UBE2W: variants seen among roughly 807,000 people sequenced by gnomAD.
UBE2W encodes ubiquitin-conjugating enzyme E2 W.
In UBE2W, 18 loss-of-function variants were observed where a neutral mutation model predicts 27.2. That is an observed-to-expected ratio of 0.66 (90% CI 0.46 to 0.98). The LOEUF (loss-of-function observed/expected upper bound fraction) is 0.98. UBE2W is among the 50% of genes least tolerant of loss of function. The pLI, the probability that UBE2W is intolerant of heterozygous loss-of-function variation, is 0.00. For missense variants in UBE2W, 90 were observed against 180.2 expected, an observed-to-expected ratio of 0.50 and a Z score of 2.87; for synonymous variants, 53 against 57.2, an observed-to-expected ratio of 0.93 and a Z score of 0.33.
At position 73,787,461 on chromosome 8, in the gene UBE2W, G is replaced by A; in HGVS notation, c.*6641C>T. 2.0e-6 allele frequency: 2 copies of A among 985,354 alleles called. No individual in the cohort carries two copies. Among genetic ancestry groups the A allele is most frequent in the Non-Finnish European group, 2.4e-6 (2 of 829,890 alleles). The allele number at this position is 985,354 out of a possible 1,614,324, so 61.0% of individuals were successfully genotyped here. On this transcript the variant is annotated 3_prime_UTR_variant, in exon 6 of 6. Transcript: ENST00000602593. ...GGGCATCATCAAAGTACAAAAGATG[G>A]TTCATATATTTATCTAACCATCTAC...
intron 1 of UBE2W, among the ~76,000 whole-genome samples, chr8:73,836,348 G>A (rs1394488556): frequency 6.6e-6 from 1 of 152,112 alleles, no homozygotes; most frequent in Non-Finnish European, 1.5e-5. Context: ...GCATTTGGGG[G>A]GTTAAATGAG....
intron 1 of UBE2W, among the ~76,000 whole-genome samples, chr8:73,866,290 A>AATATATATATATATATATAT (rs71269958): frequency 3.7e-4 from 16 of 43,084 alleles, no homozygotes; most frequent in African/African-American, 5.9e-4. Flanking sequence ...AAAAAAAAAA[A>AATATATATATATATATATAT]ATATATATAT....
intron 5 of UBE2W, among the ~76,000 whole-genome samples, chr8:73,794,635 C>T (rs1808336586): frequency 1.3e-5 from 2 of 152,072 alleles, no homozygotes; most frequent in Non-Finnish European, 2.9e-5. Flanking sequence ...GACACGGTGG[C>T]TCACACCTGT....
At chr8:73,869,696 A>G (rs988442262) in intron 1 of UBE2W, among the ~76,000 whole-genome samples, 11 of 148,968 alleles carry the variant, frequency 7.4e-5, no homozygotes, top group African/African-American at 9.9e-5. Flanking sequence ...TGTCTCAGGG[A>G]AAAAAAAAAC....
chr8:73,864,763 CG>C (rs1188479053), intron 1 of UBE2W, among the ~76,000 whole-genome samples: 6 of 26,316 alleles, frequency 2.3e-4, no homozygotes, highest in South Asian at 9.3e-4. Flanking sequence ...GGGGGGGGGG[CG>C]GGGGGGGCTG....
chr8:73,851,394 C>T (rs1258180216), intron 1 of UBE2W, among the ~76,000 whole-genome samples: 5 of 151,814 alleles, frequency 3.3e-5, no homozygotes, highest in Non-Finnish European at 5.9e-5. Context: ...CAGCTAGATG[C>T]GGAGTACAGA....
chr8:73,846,841 T>C (rs1810825132), intron 1 of UBE2W, among the ~76,000 whole-genome samples: 1 of 152,186 alleles, frequency 6.6e-6, no homozygotes, highest in African/African-American at 2.4e-5. Flanking sequence ...ATAAGTATGT[T>C]AAATTAGCTA....
chr8:73,805,134 G>A (rs80295587), intron 5 of UBE2W, among the ~76,000 whole-genome samples: 4,735 of 151,824 alleles, frequency 0.031, 230 homozygotes, highest in African/African-American at 0.1. Context: ...TTTTATGATG[G>A]CTATGATTTT....
rs145286646 is a variant in UBE2W at position 73,856,605 on chromosome 8, C to A, written c.15+22203G>T. Among the ~76,000 whole-genome samples the A allele has an allele frequency of 6.5e-3, 991 of 152,052 alleles. 7 individuals are homozygous for A. The highest frequency in any genetic ancestry group is 0.011 in the Non-Finnish European group (741 of 67,976). On this transcript the variant is annotated intron_variant, in intron 1 of 5. Transcript: ENST00000602593. ...CCTGACCTCAAGTGATCTGCCCGCC[C>A]TGGCCTCCCAAAATGCTGAGATTAC...
chr8:73,782,972 ATTG>A (rs2130825673), downstream of UBE2W, among the ~76,000 whole-genome samples: 1 of 152,216 alleles, frequency 6.6e-6, no homozygotes, highest in African/African-American at 2.4e-5. Flanking sequence ...GTATCTCATC[ATTG>A]TTTTTATCAT....
At position 73,793,437 on chromosome 8, in the gene UBE2W, C is replaced by G. The variant is rs1808284586; in HGVS notation, c.*665G>C. On this transcript the variant is annotated 3_prime_UTR_variant, in exon 6 of 6. Transcript: ENST00000602593. Reference sequence around the variant, plus strand: ...ACCATAGGGATAACATACTGTACCTCTCTGCCAATGTTACTTGAAAATCTT... The same window carrying G: ...ACCATAGGGATAACATACTGTACCTGTCTGCCAATGTTACTTGAAAATCTT... 4 of 985,720 alleles carry G rather than the reference C, an allele frequency of 4.1e-6. No individual in the cohort carries two copies. In the South Asian group the frequency reaches 1.9e-4, roughly 46 times the overall value. The allele number at this position is 985,720 out of a possible 1,614,324, so 61.1% of individuals were successfully genotyped here.
chr8:73,800,441 C>T (rs544349914), intron 5 of UBE2W, among the ~76,000 whole-genome samples: 18 of 151,648 alleles, frequency 1.2e-4, no homozygotes, highest in Non-Finnish European at 2.4e-4. Context: ...ACAAAATTAT[C>T]TGTAAATGAA....
chr8:73,798,663 T>C (rs1053434664), intron 5 of UBE2W, among the ~76,000 whole-genome samples: 3 of 152,342 alleles, frequency 2.0e-5, no homozygotes, highest in Non-Finnish European at 2.9e-5. Flanking sequence ...TAATGGACTT[T>C]AGTTGGCTAC....
intron 1 of UBE2W, among the ~76,000 whole-genome samples, chr8:73,868,106 C>A (rs1009524887): frequency 6.6e-6 from 1 of 152,158 alleles, no homozygotes; most frequent in Admixed American, 6.5e-5. Flanking sequence ...TGGCTGGGGG[C>A]TCCTGGAGAG....
intron 1 of UBE2W, among the ~76,000 whole-genome samples, chr8:73,849,012 G>C (rs138003859): frequency 1.3e-5 from 2 of 151,144 alleles, no homozygotes; most frequent in Admixed American, 1.3e-4. Flanking sequence ...TCACAATAAA[G>C]CTGTCAACAA....
intron 5 of UBE2W, among the ~76,000 whole-genome samples, chr8:73,805,390 T>C (rs1204656495): frequency 7.6e-6 from 1 of 131,994 alleles, no homozygotes; most frequent in Admixed American, 9.2e-5. Flanking sequence ...GAGGCAGAGG[T>C]TGTGGTGAGC....
At chr8:73,876,392 G>C (rs1294944835) in intron 1 of UBE2W, among the ~76,000 whole-genome samples, 1 of 152,024 alleles carries the variant, frequency 6.6e-6, no homozygotes, top group African/African-American at 2.4e-5. Flanking sequence ...CTTTCAAAAA[G>C]CTTGACATAT....
downstream of UBE2W, chr8:73,786,100 T>C (rs1807945733): frequency 1.6e-6 from 1 of 616,226 alleles, no homozygotes; most frequent in Non-Finnish European, 2.0e-6. Flanking sequence ...TATGTCAGGT[T>C]TACCTTTATG....
intron 2 of UBE2W, among the ~76,000 whole-genome samples, chr8:73,829,456 A>G (rs1809982322): frequency 6.6e-6 from 1 of 152,168 alleles, no homozygotes; most frequent in African/African-American, 2.4e-5. Flanking sequence ...TGTATGCTCC[A>G]TTTTTGGTTG....
Sources: gnomAD v4.1 joint callset for allele counts (sites outside exome capture counted in the v4.1 genomes callset) on GRCh38, gnomAD v4.1.1 for gene constraint, MANE v1.5 for transcripts, NCBI Gene and HGNC (gene_info 2026-07-23, HGNC 2026-07-21) for gene names.